STK3: variants seen among roughly 807,000 people sequenced by gnomAD.
STK3 encodes the protein serine/threonine-protein kinase 3.
A neutral mutation model predicts 58.0 loss-of-function variants in STK3; 41 were observed. The ratio of observed to expected loss-of-function variants is 0.71; its 90% CI spans 0.55 to 0.92. The LOEUF (loss-of-function observed/expected upper bound fraction) is 0.92, where lower values mean the gene tolerates loss of function less well. STK3 is among the 40% of genes least tolerant of loss of function. STK3 has a pLI of 0.00. For synonymous variants in STK3, 170 were observed against 191.0 expected (o/e 0.89, Z 0.91); for missense variants, 479 against 602.7 (o/e 0.79, Z 2.15).
At chr8:98,757,961 A>G (rs943706002) in intron 3 of STK3, among the ~76,000 whole-genome samples, 2 of 152,246 alleles carry the variant, frequency 1.3e-5, no homozygotes, top group Non-Finnish European at 2.9e-5. Context: ...TTAACTAACT[A>G]CAATTATTTA....
chr8:98,392,344 T>C (rs1725495511), upstream of STK3, among the ~76,000 whole-genome samples: 1 of 152,184 alleles, frequency 6.6e-6, no homozygotes, highest in South Asian at 2.1e-4. Context: ...CTTTCCATAT[T>C]TCATCCTAAA....
intron 1 of STK3, among the ~76,000 whole-genome samples, chr8:98,907,939 T>A (rs944405727): frequency 6.6e-6 from 1 of 152,226 alleles, no homozygotes; most frequent in Non-Finnish European, 1.5e-5. Flanking sequence ...GAGTTTCCCA[T>A]ACCTGGAATT....
At chr8:98,531,835 C>T (rs1001937716) in intron 9 of STK3, among the ~76,000 whole-genome samples, 1 of 152,208 alleles carries the variant, frequency 6.6e-6, no homozygotes, top group Non-Finnish European at 1.5e-5. Context: ...AGCTTCTTTC[C>T]TTAAACGTCA....
intron 1 of STK3, among the ~76,000 whole-genome samples, chr8:98,825,269 T>C (rs1225534327): frequency 6.6e-6 from 1 of 151,996 alleles, no homozygotes; most frequent in Admixed American, 6.5e-5. Flanking sequence ...AGCCCGGCGC[T>C]GCCCACCCGA....
chr8:98,575,717 C>G (rs979677196), intron 8 of STK3, among the ~76,000 whole-genome samples: 1 of 151,818 alleles, frequency 6.6e-6, no homozygotes, highest in Non-Finnish European at 1.5e-5. Context: ...GGCGATCCAC[C>G]CGTCTCAGCC....
intron 1 of STK3, among the ~76,000 whole-genome samples, chr8:98,917,234 T>G (rs565846013): frequency 5.9e-5 from 9 of 152,324 alleles, no homozygotes; most frequent in Non-Finnish European, 1.2e-4. Context: ...TAACAAATAT[T>G]TATATTCATT....
intron 1 of STK3, among the ~76,000 whole-genome samples, chr8:98,822,640 GATT>G (rs1242876411): frequency 2.6e-5 from 4 of 152,168 alleles, no homozygotes; most frequent in African/African-American, 9.7e-5. Context: ...ATAAAACATA[GATT>G]ATTCTTCAGG....
chr8:98,509,871 C>T (rs896280903), intron 10 of STK3, among the ~76,000 whole-genome samples: 1 of 151,958 alleles, frequency 6.6e-6, no homozygotes, highest in African/African-American at 2.4e-5. Context: ...TTTTCTAAAA[C>T]TTACTAACAT....
intron 6 of STK3, among the ~76,000 whole-genome samples, chr8:98,691,585 A>C (rs1404084297): frequency 6.6e-6 from 1 of 152,120 alleles, no homozygotes; most frequent in Non-Finnish European, 1.5e-5. Flanking sequence ...CAGCATAGAA[A>C]CAACAAGCAG....
chr8:98,569,910 A>AAT (rs1353016422), intron 8 of STK3, among the ~76,000 whole-genome samples: 1 of 149,468 alleles, frequency 6.7e-6, no homozygotes, highest in Non-Finnish European at 1.5e-5. Flanking sequence ...AAAAAAAAAA[A>AAT]ATATGTGTGT....
chr8:98,712,133 G>C (rs2131114104), intron 4 of STK3, among the ~76,000 whole-genome samples: 1 of 152,270 alleles, frequency 6.6e-6, no homozygotes, highest in East Asian at 1.9e-4. Context: ...CTTGAAGGAA[G>C]CAATAAACAT....
chr8:98,351,365 C>T, the STK3 span, among the ~76,000 whole-genome samples: 18 of 152,128 alleles, frequency 1.2e-4, no homozygotes, highest in African/African-American at 3.9e-4. Flanking sequence ...TGGGGTGGAT[C>T]GAGAGATCTT....
chr8:98,375,894 A>C (rs1177634357), intron 2 of STK3, among the ~76,000 whole-genome samples: 1 of 152,234 alleles, frequency 6.6e-6, no homozygotes, highest in Non-Finnish European at 1.5e-5. Flanking sequence ...ATTCATGTAT[A>C]GGTTTTTGTG....
chr8:98,685,741 T>C (rs545945968), intron 6 of STK3, among the ~76,000 whole-genome samples: 3 of 151,484 alleles, frequency 2.0e-5, no homozygotes, highest in South Asian at 4.2e-4. Flanking sequence ...AGGTATCACC[T>C]AAAATAGGCA....
At chr8:98,881,305 A>G (rs1837783191), downstream of STK3, 1 of 152,218 alleles carries the variant, frequency 6.6e-6, no homozygotes, top group African/African-American at 2.4e-5. Flanking sequence ...TTCCATCTAT[A>G]TGACATTCTG....
At chr8:98,776,164 A>T (rs1428702931) in intron 1 of STK3, among the ~76,000 whole-genome samples, 1 of 151,966 alleles carries the variant, frequency 6.6e-6, no homozygotes, top group Non-Finnish European at 1.5e-5. Context: ...ACAGGATAAG[A>T]ATGCCATGGA....
At chr8:98,530,211 T>C (rs890160442) in intron 9 of STK3, among the ~76,000 whole-genome samples, 10 of 152,178 alleles carry the variant, frequency 6.6e-5, no homozygotes, top group African/African-American at 1.7e-4. Flanking sequence ...ATTTGTTACA[T>C]AGGTAAACTT....
chr8:98,880,809 T>C (rs887968368), downstream of STK3: 2 of 152,136 alleles, frequency 1.3e-5, no homozygotes, highest in Non-Finnish European at 2.9e-5. Flanking sequence ...ATAGCTAAAA[T>C]GGAAAACACT....
intron 1 of STK3, among the ~76,000 whole-genome samples, chr8:98,913,131 C>CAAAAA (rs71995197): frequency 3.1e-4 from 44 of 143,110 alleles, no homozygotes; most frequent in Middle Eastern, 3.7e-3. Flanking sequence ...ACATAAATGG[C>CAAAAA]AAAAAAAAAA....
Sources: gnomAD v4.1 joint callset for allele counts (sites outside exome capture counted in the v4.1 genomes callset) on GRCh38, gnomAD v4.1.1 for gene constraint, MANE v1.5 for transcripts, NCBI Gene and HGNC (gene_info 2026-07-23, HGNC 2026-07-21) for gene names.